Variants in IQCJ observed in about 807,000 individuals in gnomAD.
IQCJ encodes IQ motif containing J, also known as IQ domain-containing protein J.
Under a neutral mutation model 11.0 loss-of-function variants are expected in IQCJ, and 9 were observed. The observed-to-expected ratio is 0.82, with a 90% CI of 0.49 to 1.43. The LOEUF is 1.43. Among genes scored for constraint, IQCJ ranks in the 40% most tolerant of loss-of-function variants. The probability of loss-of-function intolerance (pLI) is 0.00; values close to 1 mark genes in which losing one functional copy is unlikely to be tolerated. For missense variants in IQCJ, 146 were observed against 133.2 expected (o/e 1.10, Z -0.47); for synonymous variants, 55 against 51.3 (o/e 1.07, Z -0.31).
At chr3:159,138,543 T>A (rs533201753) in intron 1 of IQCJ, among the ~76,000 whole-genome samples, 1 of 152,344 alleles carries the variant, frequency 6.6e-6, no homozygotes, top group Admixed American at 6.5e-5. Flanking sequence ...TTTTAAATAC[T>A]CCGTGTGTGT....
Position 159,080,499 on chromosome 3 carries a change from G to A in IQCJ, c.9+11058G>A, listed in dbSNP as rs555396922. Reference sequence around the variant, plus strand: ...AATTACTCTTGATGACACCAGCCCCGCTGTCAGAGTAATTCCTGCTGGAAA... The same window carrying A: ...AATTACTCTTGATGACACCAGCCCCACTGTCAGAGTAATTCCTGCTGGAAA... On this transcript the variant is annotated intron_variant, in intron 1 of 3. Coordinates refer to ENST00000397832, the MANE Select transcript of IQCJ (RefSeq NM_001042706.3). Among the ~76,000 whole-genome samples the A allele has an allele frequency of 5.9e-5, 9 of 152,154 alleles. No homozygotes were observed. The South Asian group carries it at 6.2e-4, about 11-fold the overall frequency.
intron 1 of IQCJ, among the ~76,000 whole-genome samples, chr3:159,153,092 C>A (rs1333609552): frequency 6.6e-6 from 1 of 152,076 alleles, no homozygotes; most frequent in African/African-American, 2.4e-5. Flanking sequence ...ATATTTAGGA[C>A]AGTTTAAATC....
chr3:159,229,146 G>A (rs1043354007), intron 1 of IQCJ, among the ~76,000 whole-genome samples: 1 of 152,106 alleles, frequency 6.6e-6, no homozygotes, highest in Non-Finnish European at 1.5e-5. Context: ...TACTGAACAA[G>A]CCTCTATTCC....
rs192492073 is a variant in IQCJ at position 159,153,530 on chromosome 3, T to C, written c.9+84089T>C. Among the ~76,000 whole-genome samples the C allele has an allele frequency of 6.8e-4, 103 of 152,390 alleles. 1 individual carries two copies. The highest frequency in any genetic ancestry group is 7.1e-4 in the Non-Finnish European group (48 of 68,044). On this transcript the variant is annotated intron_variant, in intron 1 of 3. Coordinates refer to ENST00000397832, the MANE Select transcript of IQCJ (RefSeq NM_001042706.3). ...ATACTTTATTAGACATTGCTTTAGA[T>C]ATTAGAGATACGGCAATGACCAATG...
At chr3:159,201,034 A>G (rs567523740) in intron 1 of IQCJ, among the ~76,000 whole-genome samples, 1 of 152,306 alleles carries the variant, frequency 6.6e-6, no homozygotes, top group Non-Finnish European at 1.5e-5. Context: ...TATAAGAAAG[A>G]AGTAAAGAAG....
At chr3:159,134,887 A>G (rs541308623) in intron 1 of IQCJ, among the ~76,000 whole-genome samples, 2 of 152,344 alleles carry the variant, frequency 1.3e-5, no homozygotes, top group African/African-American at 2.4e-5. Context: ...ATAATAAAAC[A>G]TGCAACATTA....
intron 3 of IQCJ, among the ~76,000 whole-genome samples, chr3:159,254,668 C>A (rs1389390301): frequency 6.6e-6 from 1 of 151,984 alleles, no homozygotes; most frequent in East Asian, 1.9e-4. Flanking sequence ...ATTCTGCTTC[C>A]TTCCTTTCCC....
At chr3:159,155,381 C>T (rs1249598317) in intron 1 of IQCJ, among the ~76,000 whole-genome samples, 1 of 152,182 alleles carries the variant, frequency 6.6e-6, no homozygotes, top group Non-Finnish European at 1.5e-5. Flanking sequence ...TGGTCTCAAA[C>T]TCCTGACCTC....
At chr3:159,102,007 T>C (rs1258281773) in intron 1 of IQCJ, among the ~76,000 whole-genome samples, 1 of 152,204 alleles carries the variant, frequency 6.6e-6, no homozygotes, top group Non-Finnish European at 1.5e-5. Context: ...AGTAATCACA[T>C]CTGGTGTGAG....
intron 1 of IQCJ, among the ~76,000 whole-genome samples, chr3:159,164,488 C>G (rs932498699): frequency 2.0e-5 from 3 of 152,180 alleles, no homozygotes; most frequent in African/African-American, 7.2e-5. Flanking sequence ...GTTCAGCTCT[C>G]CAGGCGCGGT....
At chr3:159,186,508 C>A (rs773364943) in intron 1 of IQCJ, among the ~76,000 whole-genome samples, 1 of 152,058 alleles carries the variant, frequency 6.6e-6, no homozygotes, top group Admixed American at 6.6e-5. Flanking sequence ...TAATTTGAAC[C>A]CCTTATGCAT....
intron 1 of IQCJ, among the ~76,000 whole-genome samples, chr3:159,225,019 T>C (rs1725770603): frequency 6.6e-6 from 1 of 152,132 alleles, no homozygotes; most frequent in Admixed American, 6.5e-5. Flanking sequence ...ACCCATAAAA[T>C]TTGGCGTTAT....
chr3:159,262,944 G>T lies in IQCJ; in HGVS notation c.*213G>T. 3.9e-6 allele frequency: 5 copies of T among 1,295,262 alleles called. No homozygotes were observed. The highest frequency in any genetic ancestry group is 3.5e-5 in the Admixed American group (1 of 28,960). 80.2% of individuals were successfully genotyped at this position (1,295,262 alleles called of 1,614,324 possible). A position where few individuals can be genotyped will look rare whatever the true frequency, so the allele number is the denominator to read the frequency against. ...TGTGTTCTCATTTCTCTATTATGGA[G>T]GTATCTTTTTTGCTTTTCTTTATAA... On this transcript the variant is annotated 3_prime_UTR_variant, in exon 4 of 4. Transcript: ENST00000397832.
chr3:159,143,512 G>A (rs1720747999), intron 1 of IQCJ, among the ~76,000 whole-genome samples: 1 of 152,104 alleles, frequency 6.6e-6, no homozygotes, highest in Non-Finnish European at 1.5e-5. Flanking sequence ...AAAGCTCCAT[G>A]GACGCTGTAT....
intron 1 of IQCJ, among the ~76,000 whole-genome samples, chr3:159,131,335 T>G (rs567584811): frequency 6.6e-6 from 1 of 150,844 alleles, no homozygotes; most frequent in African/African-American, 2.4e-5. Context: ...CCCTCTCTAC[T>G]TTTCTCCTTT....
At chr3:159,168,710 G>A (rs1283895522) in intron 1 of IQCJ, among the ~76,000 whole-genome samples, 1 of 152,044 alleles carries the variant, frequency 6.6e-6, no homozygotes, top group Non-Finnish European at 1.5e-5. Context: ...CAGTGATGAT[G>A]AGTACTAGTA....
At chr3:159,159,848 T>C (rs938512997) in intron 1 of IQCJ, among the ~76,000 whole-genome samples, 2 of 151,938 alleles carry the variant, frequency 1.3e-5, no homozygotes, top group African/African-American at 4.8e-5. Flanking sequence ...TCTGTCTCTC[T>C]CTCATTATGT....
intron 1 of IQCJ, among the ~76,000 whole-genome samples, chr3:159,113,442 A>G (rs1318305122): frequency 6.6e-6 from 1 of 152,234 alleles, no homozygotes; most frequent in Non-Finnish European, 1.5e-5. Context: ...AGGAAAAGAA[A>G]GAGAAGTTAC....
chr3:159,072,247 G>T (rs1260942758), intron 1 of IQCJ, among the ~76,000 whole-genome samples: 2 of 152,050 alleles, frequency 1.3e-5, no homozygotes, highest in Non-Finnish European at 2.9e-5. Context: ...CAATAGAGAA[G>T]AACAATCACA....
Sources: gnomAD v4.1 joint callset for allele counts (sites outside exome capture counted in the v4.1 genomes callset) on GRCh38, gnomAD v4.1.1 for gene constraint, MANE v1.5 for transcripts, NCBI Gene and HGNC (gene_info 2026-07-23, HGNC 2026-07-21) for gene names.